FBXO16: variants seen among roughly 807,000 people sequenced by gnomAD.
FBXO16 encodes the protein F-box protein 16.
FBXO16 carries 31 observed loss-of-function variants against 41.0 expected under a neutral mutation model. The observed-to-expected ratio is 0.76, with a 90% confidence interval of 0.57 to 1.02. The LOEUF (loss-of-function observed/expected upper bound fraction) is 1.02. Among genes scored for constraint, FBXO16 ranks in the 50% least tolerant of loss-of-function variants. FBXO16 has a pLI of 0.00. For missense variants in FBXO16, 361 were observed against 346.2 expected, an observed-to-expected ratio of 1.04 and a Z score of -0.34; for synonymous variants, 133 against 117.8, an observed-to-expected ratio of 1.13 and a Z score of -0.84.
At chr8:28,451,288 A>G (rs1802947960) in intron 6 of FBXO16, among the ~76,000 whole-genome samples, 1 of 152,154 alleles carries the variant, frequency 6.6e-6, no homozygotes. Flanking sequence ...TAGGTTTGAA[A>G]GATACTCATG....
intron 6 of FBXO16, among the ~76,000 whole-genome samples, chr8:28,447,813 G>T (rs1227844410): frequency 6.6e-6 from 1 of 152,122 alleles, no homozygotes; most frequent in Non-Finnish European, 1.5e-5. Flanking sequence ...AATTAGCCAG[G>T]CGTGGTGGCA....
chr8:28,440,802 G>A (rs886753822), intron 7 of FBXO16, among the ~76,000 whole-genome samples: 5 of 152,166 alleles, frequency 3.3e-5, no homozygotes, highest in African/African-American at 1.2e-4. Context: ...CAGGCTTTTT[G>A]AAATCCATGG....
Position 28,447,275 on chromosome 8 carries a change from T to C in FBXO16, c.741-2A>G, listed in dbSNP as rs760502143. 1 of 1,610,552 alleles carries C rather than the reference T, an allele frequency of 6.2e-7. No homozygotes were observed. On this transcript the variant is annotated splice_acceptor_variant, in intron 6 of 8. Coordinates refer to ENST00000380254, the MANE Select transcript of FBXO16 (RefSeq NM_172366.4). LOFTEE classifies it high-confidence loss of function. Reference sequence around the variant, plus strand: ...GTCATTTGGTTTCTTTTTCTTCTTCTGTAAATTGGAAAGCAGTGGGAAAAT... The same window carrying C: ...GTCATTTGGTTTCTTTTTCTTCTTCCGTAAATTGGAAAGCAGTGGGAAAAT...
chr8:28,472,428 G>T (rs942860646), intron 3 of FBXO16, among the ~76,000 whole-genome samples: 1 of 152,060 alleles, frequency 6.6e-6, no homozygotes, highest in African/African-American at 2.4e-5. Flanking sequence ...GCTCTACTTT[G>T]TGAGCATAGA....
chr8:28,450,370 A>G (rs1242956894), intron 6 of FBXO16, among the ~76,000 whole-genome samples: 1 of 152,206 alleles, frequency 6.6e-6, no homozygotes, highest in Non-Finnish European at 1.5e-5. Flanking sequence ...AAACTCTTAG[A>G]AGAAAATATA....
chr8:28,432,390 C>A (rs914025816), intron 7 of FBXO16, among the ~76,000 whole-genome samples: 1 of 151,962 alleles, frequency 6.6e-6, no homozygotes, highest in Admixed American at 6.6e-5. Context: ...AGGAGAATCG[C>A]TTGAACCTGG....
Position 28,428,560 on chromosome 8 carries a change from T to A in FBXO16, c.*167A>T. On this transcript the variant is annotated 3_prime_UTR_variant, in exon 9 of 9. Transcript: ENST00000380254. ...TTTCTATAATAAAAGTCTTTCCATGTTCAGTCCACTTTGGCTCTGGAACCT... is the reference window on the plus strand; with the variant it reads ...TTTCTATAATAAAAGTCTTTCCATGATCAGTCCACTTTGGCTCTGGAACCT... The A allele has an allele frequency of 6.5e-7, 1 of 1,549,278 alleles. No individual in the cohort carries two copies. The highest frequency in any genetic ancestry group is 1.2e-5 in the South Asian group (1 of 83,976).
At chr8:28,438,884 G>C (rs961111974) in intron 7 of FBXO16, among the ~76,000 whole-genome samples, 1 of 152,104 alleles carries the variant, frequency 6.6e-6, no homozygotes, top group Admixed American at 6.6e-5. Context: ...TGGACTTCTT[G>C]AGGTCAGGAG....
chr8:28,437,943 C>T (rs143581398), intron 7 of FBXO16, among the ~76,000 whole-genome samples: 11 of 152,230 alleles, frequency 7.2e-5, no homozygotes, highest in African/African-American at 1.7e-4. Flanking sequence ...CAAGACTATA[C>T]GGAGGCCATG....
At chr8:28,454,555 C>G (rs976121887) in intron 5 of FBXO16, among the ~76,000 whole-genome samples, 1 of 150,990 alleles carries the variant, frequency 6.6e-6, no homozygotes, top group Non-Finnish European at 1.5e-5. Context: ...GGTGAAACCC[C>G]ATCTCTACTA....
At chr8:28,478,642 G>A (rs1803459754) in intron 2 of FBXO16, among the ~76,000 whole-genome samples, 1 of 152,056 alleles carries the variant, frequency 6.6e-6, no homozygotes, top group Non-Finnish European at 1.5e-5. Flanking sequence ...GGCCACCATG[G>A]TGAAACTCCA....
chr8:28,464,427 C>T (rs1803198618), intron 3 of FBXO16, among the ~76,000 whole-genome samples: 2 of 152,126 alleles, frequency 1.3e-5, no homozygotes, highest in South Asian at 4.1e-4. Context: ...CAGAGATTAC[C>T]CTGAACAACA....
At position 28,452,438 on chromosome 8, in the gene FBXO16, T is replaced by C; in HGVS notation, c.546A>G (p.Gln182=). The C allele has an allele frequency of 1.2e-6, 2 of 1,614,176 alleles. No individual in the cohort carries two copies. Among genetic ancestry groups the C allele is most frequent in the African/African-American group, 1.3e-5 (1 of 75,068 alleles). ...CCTCTGGAGAATTGCTTGTAACTAG[T>C]TGAACGTCAGCGATTACAAATCCAT... The part of the protein sequence containing the change: ...PKDGFVIADV[Q]LVTSNSPEEK... Residue 182 remains glutamine, a synonymous_variant, in exon 6 of 9, where the codon CAA becomes CAG. Transcript: ENST00000380254.
intron 7 of FBXO16, among the ~76,000 whole-genome samples, chr8:28,435,464 G>A (rs1301195699): frequency 5.3e-5 from 8 of 152,046 alleles, no homozygotes; most frequent in Non-Finnish European, 1.2e-4. Flanking sequence ...GTGAGCCACC[G>A]TGCCTGGCCT....
chr8:28,451,658 C>T (rs1802955072), intron 6 of FBXO16, among the ~76,000 whole-genome samples: 1 of 151,556 alleles, frequency 6.6e-6, no homozygotes. Flanking sequence ...TAGAATGAAC[C>T]CTTTGGTGCT....
chr8:28,434,404 T>C (rs1030675643), intron 7 of FBXO16, among the ~76,000 whole-genome samples: 3 of 152,100 alleles, frequency 2.0e-5, no homozygotes, highest in East Asian at 1.9e-4. Context: ...ATGTGGAAAA[T>C]AGATAAATAT....
chr8:28,450,686 T>C (rs1802938576), intron 6 of FBXO16, among the ~76,000 whole-genome samples: 1 of 152,210 alleles, frequency 6.6e-6, no homozygotes, highest in Non-Finnish European at 1.5e-5. Context: ...ATTGGACCTC[T>C]GTGGAGTAAT....
intron 4 of FBXO16, among the ~76,000 whole-genome samples, chr8:28,458,024 T>C (rs1803064100): frequency 6.6e-6 from 1 of 152,200 alleles, no homozygotes; most frequent in Non-Finnish European, 1.5e-5. Flanking sequence ...GGATTCAGTG[T>C]CTTAGTTGTA....
chr8:28,485,264 C>G (rs1207022388), intron 1 of FBXO16, among the ~76,000 whole-genome samples: 2 of 152,168 alleles, frequency 1.3e-5, no homozygotes, highest in Non-Finnish European at 2.9e-5. Context: ...CCTGCACCTC[C>G]CAGGTTCAAG....
Sources: allele counts gnomAD v4.1 joint callset (sites outside exome capture counted in the v4.1 genomes callset), GRCh38; gene constraint gnomAD v4.1.1; transcripts MANE v1.5; gene names NCBI Gene and HGNC (gene_info 2026-07-23, HGNC 2026-07-21).